Variants in SH3GL3 observed in about 807,000 individuals in gnomAD.
The protein encoded by SH3GL3 is SH3 domain containing GRB2 like 3, endophilin A3, also known as endophilin-A3.
A neutral mutation model predicts 47.7 loss-of-function variants in SH3GL3; 33 were observed. The observed-to-expected ratio is 0.69, with a 90% CI of 0.52 to 0.92. SH3GL3 has a LOEUF of 0.92. Among genes scored for constraint, SH3GL3 ranks in the 40% least tolerant of loss-of-function variants. The pLI is 0.00. For synonymous variants in SH3GL3, 155 were observed against 148.8 expected (o/e 1.04, Z -0.30); for missense variants, 363 against 417.8 (o/e 0.87, Z 1.14).
intron 1 of SH3GL3, among the ~76,000 whole-genome samples, chr15:83,526,200 A>G (rs1052514811): frequency 1.3e-5 from 2 of 152,192 alleles, no homozygotes; most frequent in Non-Finnish European, 2.9e-5. Context: ...GAGGAGAAAA[A>G]GGAACACTTA....
At chr15:83,633,411 C>T in the SH3GL3 span, among the ~76,000 whole-genome samples, 1 of 152,164 alleles carries the variant, frequency 6.6e-6, no homozygotes, top group African/African-American at 2.4e-5. Flanking sequence ...CCTTTACCTT[C>T]CCTTCTTCAA....
chr15:83,583,915 A>C (rs2059896434), intron 6 of SH3GL3, among the ~76,000 whole-genome samples: 1 of 152,102 alleles, frequency 6.6e-6, no homozygotes, highest in African/African-American at 2.4e-5. Context: ...CATCACCATG[A>C]ATGGGGGTCC....
chr15:83,517,668 T>TA (rs2043041873), intron 1 of SH3GL3, among the ~76,000 whole-genome samples: 2 of 152,224 alleles, frequency 1.3e-5, no homozygotes, highest in Non-Finnish European at 2.9e-5. Context: ...AGAATATATA[T>TA]TCATTCTGGA....
chr15:83,610,710 T>TGGGGGAAA (rs2060637104), intron 8 of SH3GL3, among the ~76,000 whole-genome samples: 1 of 152,158 alleles, frequency 6.6e-6, no homozygotes, highest in Non-Finnish European at 1.5e-5. Context: ...TGTCCTCAAT[T>TGGGGGAAA]TCTCCATCCC....
chr15:83,469,429 C>A (rs368564396), intron 1 of SH3GL3, among the ~76,000 whole-genome samples: 2 of 152,058 alleles, frequency 1.3e-5, no homozygotes, highest in East Asian at 1.9e-4. Context: ...TGATTTGAGA[C>A]CTTTTCTGTC....
chr15:83,493,536 C>T (rs2041961285), intron 1 of SH3GL3, among the ~76,000 whole-genome samples: 1 of 152,156 alleles, frequency 6.6e-6, no homozygotes, highest in South Asian at 2.1e-4. Context: ...CAGTTCATGG[C>T]CCTCCTCCAT....
chr15:83,555,396 C>T (rs555198696), intron 1 of SH3GL3, among the ~76,000 whole-genome samples: 4 of 152,094 alleles, frequency 2.6e-5, no homozygotes, highest in Middle Eastern at 6.8e-3. Context: ...GGCTCTCTTT[C>T]TTGGTGTTAT....
intron 1 of SH3GL3, among the ~76,000 whole-genome samples, chr15:83,486,077 A>G (rs958723131): frequency 6.6e-6 from 1 of 152,182 alleles, no homozygotes; most frequent in African/African-American, 2.4e-5. Flanking sequence ...TGCTACCACT[A>G]TCACATCTAA....
At position 83,618,463 on chromosome 15, in the gene SH3GL3, GT is replaced by G. The variant is rs2060885576; in HGVS notation, c.*177del. 1.8e-6 allele frequency: 1 copy of G among 551,744 alleles called. No homozygotes were observed. 34.2% of individuals were successfully genotyped at this position (551,744 alleles called of 1,614,324 possible). A position where few individuals can be genotyped will look rare whatever the true frequency, so the allele number is the denominator to read the frequency against. ...TTTAATTTGTATAAATGATTTTCTT[GT>G]CCTTGCTACATGAAAATATTTTCTT... On this transcript the variant is annotated 3_prime_UTR_variant, in exon 9 of 9. Transcript: ENST00000427482.
At chr15:83,449,643 C>T (rs2151483904) in intron 1 of SH3GL3, among the ~76,000 whole-genome samples, 1 of 151,374 alleles carries the variant, frequency 6.6e-6, no homozygotes, top group Admixed American at 6.6e-5. Context: ...TTTTGCTAGT[C>T]ATGGGTAGTT....
At chr15:83,534,736 T>C (rs1177431893) in intron 1 of SH3GL3, among the ~76,000 whole-genome samples, 3 of 152,188 alleles carry the variant, frequency 2.0e-5, no homozygotes, top group Non-Finnish European at 2.9e-5. Context: ...CAGCAGAAAT[T>C]GCAATATTTC....
chr15:83,612,709 G>T (rs887380236), intron 8 of SH3GL3, among the ~76,000 whole-genome samples: 1 of 152,102 alleles, frequency 6.6e-6, no homozygotes, highest in African/African-American at 2.4e-5. Flanking sequence ...CTCACTGCAG[G>T]CCCCTTCCCT....
chr15:83,497,225 G>A (rs1223247973), intron 1 of SH3GL3, among the ~76,000 whole-genome samples: 6 of 152,074 alleles, frequency 3.9e-5, no homozygotes, highest in African/African-American at 1.4e-4. Flanking sequence ...ACCCGTTACA[G>A]CCCCAAGACC....
intron 1 of SH3GL3, among the ~76,000 whole-genome samples, chr15:83,526,217 G>C (rs55921752): frequency 6.6e-6 from 1 of 152,180 alleles, no homozygotes; most frequent in African/African-American, 2.4e-5. Context: ...CTTATATACT[G>C]TTGGTGGAAT....
chr15:83,533,674 G>A (rs1260791761), intron 1 of SH3GL3, among the ~76,000 whole-genome samples: 1 of 152,176 alleles, frequency 6.6e-6, no homozygotes, highest in Non-Finnish European at 1.5e-5. Context: ...GGGAGGGTGT[G>A]TGCTCCCTTT....
chr15:83,598,503 G>C (rs1325982406), intron 8 of SH3GL3, among the ~76,000 whole-genome samples: 1 of 152,178 alleles, frequency 6.6e-6, no homozygotes, highest in African/African-American at 2.4e-5. Flanking sequence ...GTAAGTGATA[G>C]GGATTTGGTA....
At chr15:83,572,459 G>A in intron 4 of SH3GL3, 106 bp from the exon 5 acceptor site, 2 of 932,634 alleles carry the variant, frequency 2.1e-6, no homozygotes, top group South Asian at 1.7e-5. Flanking sequence ...CAAGGACCTT[G>A]CTACACCATC....
intron 1 of SH3GL3, among the ~76,000 whole-genome samples, chr15:83,463,760 TTTC>T (rs2040420190): frequency 2.4e-5 from 2 of 84,664 alleles, no homozygotes; most frequent in African/African-American, 5.0e-5. Context: ...GTCTGCTTTC[TTTC>T]TTTCTTTTTT....
At chr15:83,564,266 A>G (rs1355658720) in intron 2 of SH3GL3, among the ~76,000 whole-genome samples, 1 of 152,198 alleles carries the variant, frequency 6.6e-6, no homozygotes, top group African/African-American at 2.4e-5. Flanking sequence ...TGAAATTATG[A>G]TGGGATTTGA....
Sources: allele counts gnomAD v4.1 joint callset (sites outside exome capture counted in the v4.1 genomes callset), GRCh38; gene constraint gnomAD v4.1.1; transcripts MANE v1.5; gene names NCBI Gene and HGNC (gene_info 2026-07-23, HGNC 2026-07-21).